The following RAP2A variants were observed in gnomAD, a reference collection of about 807,000 sequenced individuals.
The protein encoded by RAP2A is RAP2A, member of RAS oncogene family.
In RAP2A, 5 loss-of-function variants were observed where a neutral mutation model predicts 15.1. The observed-to-expected ratio is 0.33, with a 90% confidence interval of 0.17 to 0.70. RAP2A has a LOEUF of 0.70. RAP2A is among the 30% of genes least tolerant of loss of function. The pLI, the probability that RAP2A is intolerant of heterozygous loss-of-function variation, is 0.68. For missense variants in RAP2A, 111 were observed against 240.3 expected (o/e 0.46, Z 3.56); for synonymous variants, 110 against 99.7 (o/e 1.10, Z -0.62).
chr13:97,460,467 A>G (rs1262844379), intron 1 of RAP2A, among the ~76,000 whole-genome samples: 3 of 152,180 alleles, frequency 2.0e-5, no homozygotes, highest in Admixed American at 6.5e-5. Flanking sequence ...AATTCACAGT[A>G]CTAGCTAGAG....
chr13:97,454,839 A>G (rs1304302993), intron 1 of RAP2A, among the ~76,000 whole-genome samples: 1 of 151,338 alleles, frequency 6.6e-6, no homozygotes, highest in Non-Finnish European at 1.5e-5. Flanking sequence ...CCTTCACTTG[A>G]GAATATTATT....
chr13:97,439,768 A>C (rs2066649294), intron 1 of RAP2A, among the ~76,000 whole-genome samples: 1 of 152,200 alleles, frequency 6.6e-6, no homozygotes, highest in African/African-American at 2.4e-5. Context: ...AATATAGCCA[A>C]GGATAGAACT....
At chr13:97,444,394 C>T (rs996876474) in intron 1 of RAP2A, among the ~76,000 whole-genome samples, 1 of 152,106 alleles carries the variant, frequency 6.6e-6, no homozygotes, top group Non-Finnish European at 1.5e-5. Flanking sequence ...GACAGTAGAC[C>T]TCTTTATGAA....
chr13:97,463,376 G>C (rs533564557), intron 1 of RAP2A, among the ~76,000 whole-genome samples: 2 of 152,078 alleles, frequency 1.3e-5, no homozygotes, highest in South Asian at 2.1e-4. Context: ...TATTAGTTTA[G>C]CTTTTTCCAA....
intron 1 of RAP2A, among the ~76,000 whole-genome samples, chr13:97,455,509 T>C (rs1438991395): frequency 6.6e-6 from 1 of 151,500 alleles, no homozygotes; most frequent in East Asian, 1.9e-4. Flanking sequence ...CTGTAGAATG[T>C]AGATTTCTTT....
rs566792318 is a variant in RAP2A at position 97,467,214 on chromosome 13, G to T, written c.*2772G>T. 1 of 152,494 alleles carries T rather than the reference G, an allele frequency of 6.6e-6. No homozygotes were observed. Among genetic ancestry groups the T allele is most frequent in the African/African-American group, 2.4e-5 (1 of 41,492 alleles). The allele number at this position is 152,494 out of a possible 1,614,324, so 9.4% of individuals were successfully genotyped here. ...TTTCTTTTGATGTTGCAACTTTTGG[G>T]TTCTTTTAAACTGTGATAGTGATGG... On this transcript the variant is annotated 3_prime_UTR_variant, in exon 2 of 2. Coordinates refer to ENST00000245304, the MANE Select transcript of RAP2A (RefSeq NM_021033.7).
chr13:97,437,188 A>G (rs1269254522), intron 1 of RAP2A: 1 of 152,226 alleles, frequency 6.6e-6, no homozygotes, highest in Admixed American at 6.5e-5. Flanking sequence ...AAATAGAATC[A>G]TTTTGACATG....
intron 1 of RAP2A, among the ~76,000 whole-genome samples, chr13:97,455,757 G>C (rs1032849624): frequency 6.6e-6 from 1 of 151,434 alleles, no homozygotes; most frequent in African/African-American, 2.4e-5. Context: ...AGCTTATGTT[G>C]ATTCATACAC....
In RAP2A at chr13:97,434,532, T is replaced by G. The variant is rs188378809; in HGVS notation, c.62T>G (p.Val21Gly). 1 of 1,613,818 alleles carries G rather than the reference T, an allele frequency of 6.2e-7. No homozygotes were observed. The highest frequency in any genetic ancestry group is 1.3e-5 in the African/African-American group (1 of 74,986). ...SGGVGKSALT[V>G]QFVTGTFIEK... ...GGGGTAGGCAAATCCGCCCTGACCG[T>G]GCAGTTCGTGACCGGCACCTTCATC... Residue 21 changes from valine (V) to glycine (G), a missense_variant, in exon 1 of 2, where the codon GTG becomes GGG. By Grantham distance (109) the Val-to-Gly change is moderately radical. Coordinates refer to ENST00000245304, the MANE Select transcript of RAP2A (RefSeq NM_021033.7).
At chr13:97,452,765 G>A (rs1243941272) in intron 1 of RAP2A, among the ~76,000 whole-genome samples, 1 of 151,194 alleles carries the variant, frequency 6.6e-6, no homozygotes, top group Admixed American at 6.6e-5. Flanking sequence ...GCATCTTCCA[G>A]TAAGTAAATG....
chr13:97,444,024 T>C (rs2066669357), intron 1 of RAP2A, among the ~76,000 whole-genome samples: 1 of 152,232 alleles, frequency 6.6e-6, no homozygotes, highest in African/African-American at 2.4e-5. Context: ...ACCCAGCCTT[T>C]TATCTGTATA....
Position 97,466,008 on chromosome 13 carries a change from GTGTT to G in RAP2A, c.*1570_*1573del, listed in dbSNP as rs896075764. 5 of 152,320 alleles carry G rather than the reference GTGTT, an allele frequency of 3.3e-5. No homozygotes were observed. Among genetic ancestry groups the G allele is most frequent in the East Asian group, 1.9e-4 (1 of 5,184 alleles). The allele number at this position is 152,320 out of a possible 1,614,324, so 9.4% of individuals were successfully genotyped here. A position where few individuals can be genotyped will look rare whatever the true frequency, so the allele number is the denominator to read the frequency against. ...ACGTGTGTAACTGAGAGAAGAGTGT[GTGTT>G]TGTGTGTGCATGTGTGTTTATTGTT... On this transcript the variant is annotated 3_prime_UTR_variant, in exon 2 of 2. Transcript: ENST00000245304.
intron 1 of RAP2A, among the ~76,000 whole-genome samples, chr13:97,444,424 G>A (rs1478752504): frequency 6.6e-6 from 1 of 152,188 alleles, no homozygotes; most frequent in East Asian, 1.9e-4. Flanking sequence ...TGCATGGGGT[G>A]AAGATAATTT....
intron 1 of RAP2A, among the ~76,000 whole-genome samples, chr13:97,462,032 T>TTATATATATTTA (rs533390943): frequency 1.5e-3 from 209 of 141,538 alleles, no homozygotes; most frequent in African/African-American, 3.4e-3. Flanking sequence ...ATTTATATAT[T>TTATATATATTTA]TATATATATT....
In RAP2A at chr13:97,461,975, T is replaced by A. The variant is rs1159768977; in HGVS notation, c.315-2230T>A. 1.5e-3 allele frequency among the ~76,000 whole-genome samples: 210 copies of A among 143,410 alleles called. 1 individual carries two copies. The highest frequency in any genetic ancestry group is 0.01 in the South Asian group (48 of 4,628). The allele number at this position is 143,410 out of a possible 152,430, so 94.1% of individuals were successfully genotyped here. A position where few individuals can be genotyped will look rare whatever the true frequency, so the allele number is the denominator to read the frequency against. On this transcript the variant is annotated intron_variant, in intron 1 of 1. Coordinates refer to ENST00000245304, the MANE Select transcript of RAP2A (RefSeq NM_021033.7). ...GAGACTCCGTCTCAAAAAAAAAATA[T>A]ATATATATATATATTTATATATTTA...
At chr13:97,458,313 C>T (rs1198090243) in intron 1 of RAP2A, among the ~76,000 whole-genome samples, 1 of 152,152 alleles carries the variant, frequency 6.6e-6, no homozygotes, top group Non-Finnish European at 1.5e-5. Context: ...TGTTAAAATT[C>T]ACATGAAGTA....
At position 97,434,456 on chromosome 13, in the gene RAP2A, G is replaced by GGCC. The variant is rs1325528375; in HGVS notation, c.-12_-10dup. 6.4e-7 allele frequency: 1 copy of GGCC among 1,571,364 alleles called. No homozygotes were observed. Among genetic ancestry groups the GGCC allele is most frequent in the Non-Finnish European group, 8.6e-7 (1 of 1,157,702 alleles). ...TGTCGCGGGCGGCGGCGGCGGCGGC[G>GGCC]GCCGCGGAGGGACGATGCGCGAGTA... is the stretch of plus-strand genomic sequence containing the variant. On this transcript the variant is annotated 5_prime_UTR_variant, in exon 1 of 2. Transcript: ENST00000245304.
intron 1 of RAP2A, among the ~76,000 whole-genome samples, chr13:97,461,940 GAGAC>G (rs2066747766): frequency 6.8e-6 from 1 of 146,916 alleles, no homozygotes; most frequent in African/African-American, 2.5e-5. Context: ...TCCAGCCTGG[GAGAC>G]AGAGCGAGAC....
At chr13:97,438,105 T>C (rs1165704149) in intron 1 of RAP2A, among the ~76,000 whole-genome samples, 5 of 152,234 alleles carry the variant, frequency 3.3e-5, no homozygotes, top group African/African-American at 4.8e-5. Flanking sequence ...AACAGGGATA[T>C]AGGAAATGTT....
Sources: allele counts gnomAD v4.1 joint callset (sites outside exome capture counted in the v4.1 genomes callset), GRCh38; gene constraint gnomAD v4.1.1; transcripts MANE v1.5; gene names NCBI Gene and HGNC (gene_info 2026-07-23, HGNC 2026-07-21).